Variants in BBS9 observed in about 807,000 individuals in gnomAD.
The protein encoded by BBS9 is protein PTHB1.
BBS9 carries 89 observed loss-of-function variants against 117.7 expected under a neutral mutation model. The ratio of observed to expected loss-of-function variants is 0.76; its 90% CI spans 0.64 to 0.90. The LOEUF (loss-of-function observed/expected upper bound fraction) is 0.90. Among genes scored for constraint, BBS9 ranks in the 40% least tolerant of loss-of-function variants. BBS9 has a pLI of 0.00. For synonymous variants in BBS9, 379 were observed against 370.9 expected, an observed-to-expected ratio of 1.02 and a Z score of -0.25; for missense variants, 982 against 1,042.2, an observed-to-expected ratio of 0.94 and a Z score of 0.80.
At chr7:33,173,064 G>A (rs138463971) in intron 4 of BBS9, among the ~76,000 whole-genome samples, 1 of 152,278 alleles carries the variant, frequency 6.6e-6, no homozygotes, top group East Asian at 1.9e-4. Context: ...TTCAATAGGT[G>A]TTCTTAATTT....
At chr7:33,320,809 TGTA>T (rs1448101510) in intron 9 of BBS9, among the ~76,000 whole-genome samples, 2 of 152,070 alleles carry the variant, frequency 1.3e-5, no homozygotes, top group Admixed American at 6.5e-5. Flanking sequence ...TATATCTCGT[TGTA>T]GTCCTGAAGA....
intron 4 of BBS9, among the ~76,000 whole-genome samples, chr7:33,163,044 T>C (rs1795110253): frequency 6.6e-6 from 1 of 152,228 alleles, no homozygotes; most frequent in Non-Finnish European, 1.5e-5. Context: ...CATGAAGGGT[T>C]CTTGAATTTT....
intron 9 of BBS9, among the ~76,000 whole-genome samples, chr7:33,285,256 G>C (rs1310979264): frequency 1.3e-5 from 2 of 152,128 alleles, no homozygotes; most frequent in Non-Finnish European, 2.9e-5. Context: ...GGGGCAGTGA[G>C]TTTATAATCA....
chr7:33,310,845 C>G (rs1445959376), intron 9 of BBS9, among the ~76,000 whole-genome samples: 2 of 152,178 alleles, frequency 1.3e-5, no homozygotes, highest in African/African-American at 4.8e-5. Context: ...TATTTAACCC[C>G]CTTCTCTATG....
At chr7:33,279,418 A>G (rs941618535) in intron 9 of BBS9, among the ~76,000 whole-genome samples, 1 of 152,174 alleles carries the variant, frequency 6.6e-6, no homozygotes, top group African/African-American at 2.4e-5. Flanking sequence ...GACAGTACTG[A>G]AATAATTTTT....
At chr7:33,561,786 A>G (rs1260675054) in intron 21 of BBS9, among the ~76,000 whole-genome samples, 2 of 152,220 alleles carry the variant, frequency 1.3e-5, no homozygotes, top group Non-Finnish European at 1.5e-5. Flanking sequence ...GGACAATGTC[A>G]TGGTAAGATT....
intron 5 of BBS9, among the ~76,000 whole-genome samples, chr7:33,222,682 T>C (rs990720990): frequency 1.3e-5 from 2 of 152,014 alleles, no homozygotes; most frequent in African/African-American, 2.4e-5. Flanking sequence ...GTGCGGTGGC[T>C]CTTGCTTGTA....
At chr7:33,324,108 G>T (rs1163739382) in intron 9 of BBS9, among the ~76,000 whole-genome samples, 1 of 151,914 alleles carries the variant, frequency 6.6e-6, no homozygotes, top group Non-Finnish European at 1.5e-5. Flanking sequence ...AAAGTGTTGG[G>T]ATTACAGGCA....
rs201938124 is a variant in BBS9 at position 33,367,863 on chromosome 7, G to C, written c.1789+1G>C. ...ACTGTTCTTGCTTCCAAAACTTCTCGTAAGTAAAACCATGTTATCATTGCT... is the reference window on the plus strand; with the variant it reads ...ACTGTTCTTGCTTCCAAAACTTCTCCTAAGTAAAACCATGTTATCATTGCT... On this transcript the variant is annotated splice_donor_variant, in intron 17 of 22. Coordinates refer to ENST00000242067, the MANE Select transcript of BBS9 (RefSeq NM_198428.3). LOFTEE classifies it high-confidence loss of function. 9.9e-6 allele frequency: 16 copies of C among 1,612,892 alleles called. No homozygotes were observed. The highest frequency in any genetic ancestry group is 1.3e-5 in the Non-Finnish European group (15 of 1,179,172).
At chr7:33,406,610 G>C (rs1258788029) in intron 19 of BBS9, among the ~76,000 whole-genome samples, 2 of 152,054 alleles carry the variant, frequency 1.3e-5, no homozygotes, top group African/African-American at 4.8e-5. Flanking sequence ...TCCTTCAGGA[G>C]CTCTTTTAGG....
chr7:33,228,110 T>G (rs1318425811), intron 5 of BBS9, among the ~76,000 whole-genome samples: 1 of 152,184 alleles, frequency 6.6e-6, no homozygotes, highest in African/African-American at 2.4e-5. Context: ...TAAAAGTGTT[T>G]CTTTTTCACC....
At chr7:33,156,452 G>A (rs1794103276) in intron 4 of BBS9, among the ~76,000 whole-genome samples, 1 of 152,124 alleles carries the variant, frequency 6.6e-6, no homozygotes, top group Non-Finnish European at 1.5e-5. Context: ...TTTGGAGCTT[G>A]CTGTAAATGT....
intron 21 of BBS9, among the ~76,000 whole-genome samples, chr7:33,622,290 A>G (rs1865449855): frequency 6.6e-6 from 1 of 152,186 alleles, no homozygotes; most frequent in Non-Finnish European, 1.5e-5. Context: ...AGTCAGACTC[A>G]TAGAAGCAGA....
At chr7:33,226,882 G>A (rs1441834878) in intron 5 of BBS9, among the ~76,000 whole-genome samples, 1 of 152,126 alleles carries the variant, frequency 6.6e-6, no homozygotes, top group Non-Finnish European at 1.5e-5. Context: ...GTTTCCAGGG[G>A]CTTGGGAAAG....
intron 19 of BBS9, among the ~76,000 whole-genome samples, chr7:33,505,022 G>A (rs113479287): frequency 8.3e-4 from 127 of 152,106 alleles, no homozygotes; most frequent in African/African-American, 2.7e-3. Flanking sequence ...AGAGGAAAGC[G>A]ATGTTCTGAA....
intron 21 of BBS9, among the ~76,000 whole-genome samples, chr7:33,547,834 G>A (rs961241507): frequency 5.9e-5 from 9 of 152,162 alleles, no homozygotes; most frequent in African/African-American, 1.7e-4. Flanking sequence ...AAATAAAGAG[G>A]TGTTCAGTTA....
At chr7:33,452,253 G>A (rs115572879) in intron 19 of BBS9, among the ~76,000 whole-genome samples, 4,927 of 151,316 alleles carry the variant, frequency 0.033, 145 homozygotes, top group African/African-American at 0.078. Context: ...TACTACCTTG[G>A]TTAAGTTTAT....
intron 7 of BBS9, among the ~76,000 whole-genome samples, chr7:33,268,525 C>A (rs1035097181): frequency 1.3e-5 from 2 of 152,188 alleles, no homozygotes; most frequent in African/African-American, 4.8e-5. Context: ...GCTTTGTTGT[C>A]TGGTGTCCAG....
intron 5 of BBS9, among the ~76,000 whole-genome samples, chr7:33,232,503 G>C (rs1034199341): frequency 4.6e-5 from 7 of 151,974 alleles, no homozygotes; most frequent in African/African-American, 1.7e-4. Flanking sequence ...GGTAAACTGT[G>C]ATTTTAAACA....
Sources: allele counts gnomAD v4.1 joint callset (sites outside exome capture counted in the v4.1 genomes callset), GRCh38; gene constraint gnomAD v4.1.1; transcripts MANE v1.5; gene names NCBI Gene and HGNC (gene_info 2026-07-23, HGNC 2026-07-21).